COL14A1: variants seen among roughly 807,000 people sequenced by gnomAD.
The protein encoded by COL14A1 is collagen alpha-1(XIV) chain.
In COL14A1, 136 loss-of-function variants were observed where a neutral mutation model predicts 230.3. The ratio of observed to expected loss-of-function variants is 0.59; its 90% CI spans 0.51 to 0.68. The LOEUF (loss-of-function observed/expected upper bound fraction) is 0.68. Ranked by LOEUF, COL14A1 falls within the 30% of genes least tolerant of loss-of-function variation. The probability of loss-of-function intolerance (pLI) is 0.00; values close to 1 mark genes in which losing one functional copy is unlikely to be tolerated. For synonymous variants in COL14A1, 792 were observed against 784.1 expected, an observed-to-expected ratio of 1.01 and a Z score of -0.17; for missense variants, 1,976 against 2,215.8, an observed-to-expected ratio of 0.89 and a Z score of 2.17.
intron 40 of COL14A1, among the ~76,000 whole-genome samples, chr8:120,321,953 A>G (rs1457810457): frequency 6.6e-6 from 1 of 152,110 alleles, no homozygotes; most frequent in Non-Finnish European, 1.5e-5. Flanking sequence ...GCTAGATAGT[A>G]TATTGTGTGA....
At chr8:120,268,297 A>C (rs1023905519) in intron 25 of COL14A1, among the ~76,000 whole-genome samples, 1 of 151,756 alleles carries the variant, frequency 6.6e-6, no homozygotes, top group African/African-American at 2.4e-5. Flanking sequence ...CTTTAGTCTC[A>C]ACATCTGTGG....
Position 120,315,969 on chromosome 8 carries a change from C to T in COL14A1, c.4631C>T (p.Pro1544Leu), listed in dbSNP as rs1821212701. ...GGTATCCCAGGAGGCGTTGGTTCAC[C>T]AGGACGTGATGGCTCACCAGGCCAG... The part of the protein sequence containing the change: ...PQGIPGGVGS[P>L]GRDGSPGQRG... Residue 1544 changes from proline (P) to leucine (L), a missense_variant, in exon 40 of 48, where the codon CCA becomes CTA. Pro to Leu is a moderately conservative substitution (Grantham distance 98, BLOSUM62 -3). This residue lies in a region of COL14A1 where 1,791 missense variants were observed against 2,019.5 expected (regional missense o/e 0.89). Coordinates refer to ENST00000297848, the MANE Select transcript of COL14A1 (RefSeq NM_021110.4). The T allele has an allele frequency of 6.2e-7, 1 of 1,613,872 alleles. No individual in the cohort carries two copies. The highest frequency in any genetic ancestry group is 1.3e-5 in the African/African-American group (1 of 74,916).
At chr8:120,152,193 G>A (rs1586719727) in intron 2 of COL14A1, among the ~76,000 whole-genome samples, 1 of 151,970 alleles carries the variant, frequency 6.6e-6, no homozygotes, top group East Asian at 1.9e-4. Flanking sequence ...CATTCAGTAT[G>A]GCTCACGTCT....
chr8:120,247,592 T>C, intron 20 of COL14A1, 21 bp from the exon 21 acceptor site: 1 of 1,603,142 alleles, frequency 6.2e-7, no homozygotes, highest in African/African-American at 1.3e-5. Flanking sequence ...ATCCCTGTTT[T>C]TCCTTTTCTT....
chr8:120,239,783 G>T (rs560857280), intron 19 of COL14A1, among the ~76,000 whole-genome samples: 100 of 151,158 alleles, frequency 6.6e-4, no homozygotes, highest in Non-Finnish European at 1.1e-3. Context: ...TGAGACCCGT[G>T]GAAACTTCCC....
chr8:120,187,530 G>C (rs762157116), intron 5 of COL14A1, among the ~76,000 whole-genome samples: 1 of 152,094 alleles, frequency 6.6e-6, no homozygotes, highest in Admixed American at 6.6e-5. Context: ...ACACTAAATA[G>C]ATTTTCAAAA....
chr8:120,158,283 A>C (rs1382274680), intron 3 of COL14A1, 37 bp downstream of exon 3: 1 of 1,170,832 alleles, frequency 8.5e-7, no homozygotes, highest in Non-Finnish European at 1.3e-6. Context: ...GAGCATTAGC[A>C]ACTTTTCATG....
At chr8:120,203,688 C>A in intron 8 of COL14A1, 21 bp from the exon 9 acceptor site, 1 of 1,611,752 alleles carries the variant, frequency 6.2e-7, no homozygotes, top group Non-Finnish European at 8.5e-7. Flanking sequence ...TCACCATTCT[C>A]TTTTTTGTCC....
intron 2 of COL14A1, among the ~76,000 whole-genome samples, chr8:120,155,531 G>T (rs1329391023): frequency 6.6e-6 from 1 of 152,158 alleles, no homozygotes; most frequent in Admixed American, 6.5e-5. Context: ...GTTGTTTGCT[G>T]TTTTGAGATG....
In COL14A1 at chr8:120,291,484, CA is replaced by C. The variant is rs1489888581; in HGVS notation, c.4236+1719del. ...CTGAGGCAGGAGAATTGCTTGACCCCAGGAGGCGGATGTTACAGTGAACCAA... is the reference window on the plus strand; with the variant it reads ...CTGAGGCAGGAGAATTGCTTGACCCCGGAGGCGGATGTTACAGTGAACCAA... On this transcript the variant is annotated intron_variant, in intron 34 of 47. Coordinates refer to ENST00000297848, the MANE Select transcript of COL14A1 (RefSeq NM_021110.4). Among the ~76,000 whole-genome samples the C allele has an allele frequency of 2.1e-5, 3 of 139,688 alleles. No homozygotes were observed. The East Asian group carries it at 7.0e-4, about 33-fold the overall frequency. 91.6% of individuals were successfully genotyped at this position (139,688 alleles called of 152,430 possible). A position where few individuals can be genotyped will look rare whatever the true frequency, so the allele number is the denominator to read the frequency against.
Position 120,342,917 on chromosome 8 carries a change from C to T in COL14A1, c.4888+471C>T, listed in dbSNP as rs16893939. On this transcript the variant is annotated intron_variant, in intron 44 of 47. Coordinates refer to ENST00000297848, the MANE Select transcript of COL14A1 (RefSeq NM_021110.4). Reference sequence around the variant, plus strand: ...TCACATCCATTACCTTCTGGCTAGCCTAAGGTCTTCTCATTTATTTCTTAA... The same window carrying T: ...TCACATCCATTACCTTCTGGCTAGCTTAAGGTCTTCTCATTTATTTCTTAA... Among the ~76,000 whole-genome samples the T allele has an allele frequency of 2.8e-3, 421 of 152,244 alleles. 1 individual carries two copies. The highest frequency in any genetic ancestry group is 9.6e-3 in the African/African-American group (400 of 41,562).
rs139713335 is a variant in COL14A1, at chr8:120,356,429, T to G, written c.5078-10742T>G. Among the ~76,000 whole-genome samples, 555 of 152,346 alleles carry G rather than the reference T, an allele frequency of 3.6e-3. 3 individuals are homozygous for G. Among genetic ancestry groups the G allele is most frequent in the African/African-American group, 0.013 (534 of 41,594 alleles). Reference sequence around the variant, plus strand: ...ACTTAACTAGCTATGTGATCTTGACTACTTAAGCTTAAAACTTAATCTCTG... The same window carrying G: ...ACTTAACTAGCTATGTGATCTTGACGACTTAAGCTTAAAACTTAATCTCTG... On this transcript the variant is annotated intron_variant, in intron 45 of 47. Coordinates refer to ENST00000297848, the MANE Select transcript of COL14A1 (RefSeq NM_021110.4).
rs370838969 is a variant in COL14A1, at chr8:120,280,702, G to A, written c.3647-9G>A. On this transcript the variant is annotated splice_polypyrimidine_tract_variant and intron_variant, in intron 29 of 47. Transcript: ENST00000297848. Reference sequence around the variant, plus strand: ...ATTAGAGTTTTATTTTGTTTGTTTGGTTTTCCAGCCTGTCCAGTGGTACAC... The same window carrying A: ...ATTAGAGTTTTATTTTGTTTGTTTGATTTTCCAGCCTGTCCAGTGGTACAC... 172 of 1,612,702 alleles carry A rather than the reference G, an allele frequency of 1.1e-4. No homozygotes were observed. In the Middle Eastern group the frequency reaches 1.2e-3, roughly 11 times the overall value.
intron 47 of COL14A1, among the ~76,000 whole-genome samples, 195 bp downstream of exon 47, chr8:120,369,680 A>T (rs1467803425): frequency 6.6e-6 from 1 of 152,232 alleles, no homozygotes; most frequent in African/African-American, 2.4e-5. Context: ...CTACTCCCTT[A>T]AAAACCTTAA....
chr8:120,370,011 G>A (rs2130403365), intron 47 of COL14A1, among the ~76,000 whole-genome samples: 1 of 152,306 alleles, frequency 6.6e-6, no homozygotes, highest in African/African-American at 2.4e-5. Context: ...ATAGTTGTGA[G>A]AGGAAACAAA....
intron 40 of COL14A1, 43 bp from the exon 41 acceptor site, chr8:120,332,098 A>G: frequency 6.3e-7 from 1 of 1,593,858 alleles, no homozygotes; most frequent in Middle Eastern, 1.7e-4. Flanking sequence ...TGAAAGCCAT[A>G]TAAAGCAACC....
chr8:120,219,566 C>G (rs1817866340), intron 14 of COL14A1, among the ~76,000 whole-genome samples: 1 of 152,152 alleles, frequency 6.6e-6, no homozygotes, highest in South Asian at 2.1e-4. Flanking sequence ...TCCCATGGGC[C>G]TCTCTAATGT....
chr8:120,282,204 AATC>A (rs1306339150), intron 31 of COL14A1, among the ~76,000 whole-genome samples: 1 of 152,206 alleles, frequency 6.6e-6, no homozygotes, highest in Non-Finnish European at 1.5e-5. Context: ...TGAAATTGGA[AATC>A]ATCATTCTCA....
chr8:120,287,210 G>T (rs1820229735), intron 33 of COL14A1, among the ~76,000 whole-genome samples: 1 of 149,198 alleles, frequency 6.7e-6, no homozygotes. Flanking sequence ...CATAAGAACA[G>T]TTGCTAAAAA....
Sources: allele counts gnomAD v4.1 joint callset (sites outside exome capture counted in the v4.1 genomes callset), GRCh38; gene constraint gnomAD v4.1.1; regional missense constraint gnomAD v4.1.1; transcripts MANE v1.5; gene names NCBI Gene and HGNC (gene_info 2026-07-23, HGNC 2026-07-21).